Variants in CMTM4 observed in about 807,000 individuals in gnomAD.
The protein encoded by CMTM4 is CKLF-like MARVEL transmembrane domain-containing protein 4.
Under a neutral mutation model 19.0 loss-of-function variants are expected in CMTM4, and 8 were observed. That is an observed-to-expected ratio of 0.42 (90% CI 0.25 to 0.76). CMTM4 has a LOEUF of 0.76. CMTM4 is among the 30% of genes least tolerant of loss of function. The pLI, the probability that CMTM4 is intolerant of heterozygous loss-of-function variation, is 0.27. For missense variants in CMTM4, 228 were observed against 290.2 expected, an observed-to-expected ratio of 0.79 and a Z score of 1.56; for synonymous variants, 106 against 121.1, an observed-to-expected ratio of 0.88 and a Z score of 0.82.
At chr16:66,644,672 G>C (rs1300722753) in intron 1 of CMTM4, among the ~76,000 whole-genome samples, 2 of 152,132 alleles carry the variant, frequency 1.3e-5, no homozygotes, top group African/African-American at 2.4e-5. Flanking sequence ...GTGTGAGTGG[G>C]GTAGACCCCT....
rs80079273 is a variant in CMTM4 at position 66,617,048 on chromosome 16, T to C, written c.*5010A>G. 1.7e-5 allele frequency: 7 copies of C among 402,764 alleles called. No individual in the cohort carries two copies. The highest frequency in any genetic ancestry group is 4.1e-5 in the Admixed American group (1 of 24,354). 24.9% of individuals were successfully genotyped at this position (402,764 alleles called of 1,614,324 possible). ...AAGCTGACTAAGGTGGTCTGAGATA[T>C]GTTCTTACTCCTAAACTCAAACTTT... On this transcript the variant is annotated 3_prime_UTR_variant, in exon 4 of 4. Coordinates refer to ENST00000394106, the MANE Select transcript of CMTM4 (RefSeq NM_181521.3).
intron 1 of CMTM4, among the ~76,000 whole-genome samples, chr16:66,669,496 GACC>G (rs1041856036): frequency 1.3e-5 from 2 of 149,648 alleles, no homozygotes; most frequent in African/African-American, 4.9e-5. Flanking sequence ...AGCATGTGAA[GACC>G]ACCAACATCC....
the CMTM4 span, chr16:66,605,228 T>G: frequency 3.2e-6 from 1 of 313,374 alleles, no homozygotes; most frequent in Non-Finnish European, 5.9e-6. This position sits in a 1 kb window ranked among gnomAD's most constrained non-coding sequence, Gnocchi z 4.6. Context: ...CCCGGGGATG[T>G]GGGTCCTGCT....
chr16:66,689,851 T>G (rs1344042601), intron 1 of CMTM4, among the ~76,000 whole-genome samples: 1 of 152,242 alleles, frequency 6.6e-6, no homozygotes, highest in Non-Finnish European at 1.5e-5. Flanking sequence ...CTATATGGTA[T>G]TTTGTTGAGG....
chr16:66,628,363 A>T (rs1360275121), intron 2 of CMTM4, among the ~76,000 whole-genome samples: 1 of 152,332 alleles, frequency 6.6e-6, no homozygotes, highest in East Asian at 1.9e-4. Context: ...GCTGTATTTC[A>T]GACTATCTCA....
At position 66,647,143 on chromosome 16, in the gene CMTM4, G is replaced by A. The variant is rs375037026; in HGVS notation, c.187-10562C>T. ...ATCCTGGCTAATACGGTGAAACCCC[G>A]CCTCTACTAAAAAAAAAAAAAATAC... On this transcript the variant is annotated intron_variant, in intron 1 of 3. Coordinates refer to ENST00000394106, the MANE Select transcript of CMTM4 (RefSeq NM_181521.3). Among the ~76,000 whole-genome samples, 45 of 139,370 alleles carry A rather than the reference G, an allele frequency of 3.2e-4. 1 individual carries two copies. In the East Asian group the frequency reaches 9.1e-3, roughly 28 times the overall value. The allele number at this position is 139,370 out of a possible 152,430, so 91.4% of individuals were successfully genotyped here.
intron 2 of CMTM4, among the ~76,000 whole-genome samples, chr16:66,633,115 AT>A (rs398029752): frequency 6.6e-5 from 5 of 76,066 alleles, no homozygotes; most frequent in African/African-American, 1.4e-4. Flanking sequence ...ATATATATAT[AT>A]AAATATATAT....
the CMTM4 span, chr16:66,605,610 CG>C: frequency 6.5e-6 from 1 of 153,304 alleles, no homozygotes; most frequent in Non-Finnish European, 1.5e-5. The surrounding 1 kb of genome is among the most constrained non-coding windows in gnomAD (Gnocchi z 4.6). Flanking sequence ...AGGGAGAGGC[CG>C]GGCCGGAGAC....
At chr16:66,680,977 A>C (rs1183159148) in intron 1 of CMTM4, among the ~76,000 whole-genome samples, 1 of 152,108 alleles carries the variant, frequency 6.6e-6, no homozygotes, top group African/African-American at 2.4e-5. Flanking sequence ...ACACCTTCTA[A>C]CCTAGAAATA....
chr16:66,643,498 CT>C (rs1450968484), intron 1 of CMTM4, among the ~76,000 whole-genome samples: 3 of 152,158 alleles, frequency 2.0e-5, no homozygotes, highest in African/African-American at 7.2e-5. Flanking sequence ...GAGCCAGAAG[CT>C]TGTCTGTGGG....
chr16:66,631,359 G>A (rs535297855), intron 2 of CMTM4, among the ~76,000 whole-genome samples: 19 of 148,544 alleles, frequency 1.3e-4, no homozygotes, highest in South Asian at 6.5e-4. Context: ...GGTGAGGGGC[G>A]CCTCTGCCCG....
intron 2 of CMTM4, among the ~76,000 whole-genome samples, chr16:66,634,672 G>A (rs1290051228): frequency 1.3e-5 from 2 of 151,928 alleles, no homozygotes; most frequent in South Asian, 4.2e-4. Context: ...ACTCAGGTGA[G>A]ATGAACATTG....
chr16:66,625,498 C>A, intron 2 of CMTM4, among the ~76,000 whole-genome samples: 1 of 150,976 alleles, frequency 6.6e-6, no homozygotes, highest in South Asian at 2.1e-4. Context: ...GTAGGAGTAT[C>A]AGTAGTTTTA....
At chr16:66,648,583 G>A (rs899005111) in intron 1 of CMTM4, among the ~76,000 whole-genome samples, 4 of 150,950 alleles carry the variant, frequency 2.6e-5, no homozygotes, top group Non-Finnish European at 5.9e-5. Context: ...GCTTGAACCC[G>A]GGAGGCGGAG....
chr16:66,642,356 C>T (rs1419673758), intron 1 of CMTM4, among the ~76,000 whole-genome samples: 2 of 152,086 alleles, frequency 1.3e-5, no homozygotes, highest in Admixed American at 6.6e-5. Flanking sequence ...TTATGGATGC[C>T]CTTGGAGAGA....
intron 2 of CMTM4, among the ~76,000 whole-genome samples, chr16:66,628,378 G>A (rs2015786674): frequency 6.6e-6 from 1 of 152,210 alleles, no homozygotes; most frequent in African/African-American, 2.4e-5. Context: ...ATCTCACGGG[G>A]AGAAACCTTG....
chr16:66,657,922 T>C (rs1034920385), intron 1 of CMTM4, among the ~76,000 whole-genome samples: 9 of 152,286 alleles, frequency 5.9e-5, no homozygotes, highest in African/African-American at 9.6e-5. Flanking sequence ...AAAGGAATGA[T>C]TGAATTAGAA....
At chr16:66,682,836 C>T (rs2016940346) in intron 1 of CMTM4, among the ~76,000 whole-genome samples, 1 of 151,910 alleles carries the variant, frequency 6.6e-6, no homozygotes, top group African/African-American at 2.4e-5. Flanking sequence ...AGATACAAGC[C>T]TCTCTCTTTC....
At position 66,621,145 on chromosome 16, in the gene CMTM4, G is replaced by GGTGTGTGTGTGC. The variant is rs952384205; in HGVS notation, c.*901_*912dup. The GGTGTGTGTGTGC allele has an allele frequency of 2.0e-6, 2 of 985,606 alleles. No homozygotes were observed. The highest frequency in any genetic ancestry group is 3.5e-5 in the African/African-American group (2 of 57,226). 61.1% of individuals were successfully genotyped at this position (985,606 alleles called of 1,614,324 possible). ...TTAGCACACATCCCTAAAATAGAGG[G>GGTGTGTGTGTGC]GTGTGTGTGTGCATGTGTGCGCGCA... On this transcript the variant is annotated 3_prime_UTR_variant, in exon 4 of 4. Transcript: ENST00000394106.
Sources: allele counts gnomAD v4.1 joint callset (sites outside exome capture counted in the v4.1 genomes callset), GRCh38; gene constraint gnomAD v4.1.1; non-coding constraint Gnocchi (gnomAD v3.1); transcripts MANE v1.5; gene names NCBI Gene and HGNC (gene_info 2026-07-23, HGNC 2026-07-21).